The following MYO16 variants were observed in gnomAD, a reference collection of about 807,000 sequenced individuals.
MYO16 encodes the protein unconventional myosin-XVI.
MYO16 carries 94 observed loss-of-function variants against 205.3 expected under a neutral mutation model. The observed-to-expected ratio is 0.46, with a 90% CI of 0.39 to 0.54. MYO16 has a LOEUF of 0.54. MYO16 is among the 20% of genes least tolerant of loss of function. MYO16 has a pLI of 0.00. For missense variants in MYO16, 2,315 were observed against 2,387.5 expected, an observed-to-expected ratio of 0.97 and a Z score of 0.63; for synonymous variants, 988 against 954.0, an observed-to-expected ratio of 1.04 and a Z score of -0.66.
chr13:109,071,181 G>A (rs1403846128), intron 27 of MYO16, among the ~76,000 whole-genome samples: 1 of 151,984 alleles, frequency 6.6e-6, no homozygotes. Flanking sequence ...AGAATGAAAA[G>A]GATGATGACA....
intron 27 of MYO16, among the ~76,000 whole-genome samples, chr13:109,069,378 G>A (rs915685312): frequency 6.6e-6 from 1 of 152,118 alleles, no homozygotes; most frequent in African/African-American, 2.4e-5. Context: ...AGCTAAAGAG[G>A]TTCCAGACAT....
chr13:108,884,359 G>C (rs1879758836), intron 13 of MYO16, among the ~76,000 whole-genome samples: 1 of 152,262 alleles, frequency 6.6e-6, no homozygotes, highest in Non-Finnish European at 1.5e-5. Flanking sequence ...GCTGGGTTCA[G>C]ATGCATCCCA....
intron 14 of MYO16, among the ~76,000 whole-genome samples, chr13:108,890,210 C>T (rs1462635976): frequency 1.4e-5 from 2 of 146,082 alleles, no homozygotes; most frequent in African/African-American, 5.1e-5. Context: ...TCCCAAAGTG[C>T]TAGGATTACA....
At chr13:108,831,267 A>G (rs535724084) in intron 9 of MYO16, among the ~76,000 whole-genome samples, 32 of 152,342 alleles carry the variant, frequency 2.1e-4, no homozygotes, top group African/African-American at 7.7e-4. Context: ...TAGAGTTGCC[A>G]GGTAAAATGC....
At chr13:108,504,567 T>C in the MYO16 span, among the ~76,000 whole-genome samples, 21 of 150,408 alleles carry the variant, frequency 1.4e-4, no homozygotes, top group African/African-American at 4.9e-4. Flanking sequence ...ATGGAGTCTC[T>C]CTCTGTTGCC....
intron 27 of MYO16, among the ~76,000 whole-genome samples, chr13:109,081,097 C>T (rs1274689575): frequency 6.6e-6 from 1 of 152,028 alleles, no homozygotes; most frequent in Non-Finnish European, 1.5e-5. Flanking sequence ...CATACATAGA[C>T]ATATATATGT....
chr13:108,714,643 G>A (rs1343452655), intron 3 of MYO16, among the ~76,000 whole-genome samples: 2 of 139,778 alleles, frequency 1.4e-5, no homozygotes, highest in Admixed American at 7.5e-5. Context: ...GATTAGATAT[G>A]TTAATTTTTA....
the MYO16 span, among the ~76,000 whole-genome samples, chr13:108,585,183 T>G: frequency 6.6e-6 from 1 of 152,196 alleles, no homozygotes; most frequent in African/African-American, 2.4e-5. Flanking sequence ...GACACAGCCC[T>G]CAGGAGGTCC....
intron 7 of MYO16, among the ~76,000 whole-genome samples, chr13:108,809,697 C>T (rs1041689587): frequency 3.3e-5 from 5 of 152,312 alleles, no homozygotes; most frequent in African/African-American, 9.6e-5. Context: ...GCCACGCTTC[C>T]AACACTGGGG....
At chr13:109,051,030 A>G (rs1439068050) in intron 24 of MYO16, among the ~76,000 whole-genome samples, 1 of 152,174 alleles carries the variant, frequency 6.6e-6, no homozygotes, top group Non-Finnish European at 1.5e-5. Flanking sequence ...GGGTGAGCTC[A>G]TTGCTACTGG....
chr13:108,686,347 T>C lies in MYO16; in HGVS notation c.292+20198T>C, dbSNP rs892989239. ...CTTTCCATGTGCAGTGCAATCCTTT[T>C]TGTCATATTTTAAAAATACTTTAAA... On this transcript the variant is annotated intron_variant, in intron 2 of 34. Transcript: ENST00000457511. Among the ~76,000 whole-genome samples the C allele has an allele frequency of 5.9e-5, 9 of 152,226 alleles. No homozygotes were observed. The East Asian group carries it at 7.7e-4, about 13-fold the overall frequency.
chr13:108,998,017 T>G (rs927480448), intron 21 of MYO16, among the ~76,000 whole-genome samples: 1 of 152,132 alleles, frequency 6.6e-6, no homozygotes, highest in Non-Finnish European at 1.5e-5. Flanking sequence ...TGGTCAGAGT[T>G]TGGAAAAATT....
At chr13:108,648,279 C>G (rs1880843718) in intron 1 of MYO16, among the ~76,000 whole-genome samples, 1 of 152,186 alleles carries the variant, frequency 6.6e-6, no homozygotes, top group African/African-American at 2.4e-5. Context: ...TCAGTGGTGT[C>G]TCCATATCCC....
At position 109,178,780 on chromosome 13, in the gene MYO16, TGGA is replaced by T. The variant is rs1311205173; in HGVS notation, c.5324-759_5324-757del. Among the ~76,000 whole-genome samples, 11 of 152,176 alleles carry T rather than the reference TGGA, an allele frequency of 7.2e-5. No individual in the cohort carries two copies. The East Asian group carries it at 2.1e-3, about 29-fold the overall frequency. On this transcript the variant is annotated intron_variant, in intron 33 of 34. Coordinates refer to ENST00000457511, the MANE Select transcript of MYO16 (RefSeq NM_001198950.3). ...GGGGGTGCTGCTGGCATCTAGTGGG[TGGA>T]GGTCAGGGATGCATGGGGCAGACCC...
At chr13:109,067,985 A>G (rs1331833118) in intron 27 of MYO16, among the ~76,000 whole-genome samples, 1 of 152,228 alleles carries the variant, frequency 6.6e-6, no homozygotes, top group African/African-American at 2.4e-5. Flanking sequence ...AAAGCTGACC[A>G]GCCCAAATGA....
intron 1 of MYO16, among the ~76,000 whole-genome samples, chr13:108,600,935 T>G (rs2139299289): frequency 6.6e-6 from 1 of 152,230 alleles, no homozygotes; most frequent in East Asian, 1.9e-4. Context: ...TTTATGCCAC[T>G]TATCCTCATG....
chr13:108,664,525 A>T (rs1312076786), intron 1 of MYO16, among the ~76,000 whole-genome samples: 1 of 152,200 alleles, frequency 6.6e-6, no homozygotes, highest in Non-Finnish European at 1.5e-5. Context: ...TAGTGTTGTC[A>T]TGACTTGTTG....
intron 16 of MYO16, among the ~76,000 whole-genome samples, chr13:108,955,459 G>A (rs918362027): frequency 1.3e-5 from 2 of 152,124 alleles, no homozygotes; most frequent in African/African-American, 4.8e-5. Context: ...TGGCCACCAT[G>A]GTCTGCTTCT....
chr13:108,974,114 C>T (rs566886880), intron 20 of MYO16, among the ~76,000 whole-genome samples: 1 of 152,240 alleles, frequency 6.6e-6, no homozygotes, highest in East Asian at 1.9e-4. Context: ...CCTAATTCTG[C>T]ACTTTGATTT....
Sources: allele counts gnomAD v4.1 joint callset (sites outside exome capture counted in the v4.1 genomes callset), GRCh38; gene constraint gnomAD v4.1.1; transcripts MANE v1.5; gene names NCBI Gene and HGNC (gene_info 2026-07-23, HGNC 2026-07-21).